The following DPP10 variants were observed in gnomAD, a reference collection of about 807,000 sequenced individuals.
DPP10 encodes the protein dipeptidyl peptidase like 10.
A neutral mutation model predicts 120.9 loss-of-function variants in DPP10; 33 were observed. The observed-to-expected ratio is 0.27, with a 90% CI of 0.21 to 0.37. The LOEUF (loss-of-function observed/expected upper bound fraction) is 0.37, where lower values mean the gene tolerates loss of function less well. Among genes scored for constraint, DPP10 ranks in the 10% least tolerant of loss-of-function variants. DPP10 has a pLI of 1.00. For synonymous variants in DPP10, 337 were observed against 326.1 expected (o/e 1.03, Z -0.36); for missense variants, 816 against 942.8 (o/e 0.87, Z 1.76).
At chr2:115,210,305 A>G (rs1008021048) in intron 1 of DPP10, among the ~76,000 whole-genome samples, 7 of 152,098 alleles carry the variant, frequency 4.6e-5, no homozygotes, top group Non-Finnish European at 1.0e-4. Context: ...TTTGCTGAGA[A>G]TGATGGTTTC....
At chr2:114,885,375 C>G (rs187550796) in intron 1 of DPP10, among the ~76,000 whole-genome samples, 1 of 152,100 alleles carries the variant, frequency 6.6e-6, no homozygotes, top group Non-Finnish European at 1.5e-5. Flanking sequence ...GAAACACACT[C>G]CCATGATCAA....
rs936563006 is a variant in DPP10, at chr2:115,135,761, G to T, written c.61-173478G>T. The stretch of plus-strand genomic sequence containing the variant: ...AATTTCTTGTGAGTCGCTGAGGCTG[G>T]CTGTTCAATCTTACATGTTTTACAC... On this transcript the variant is annotated intron_variant, in intron 1 of 25. Coordinates refer to ENST00000410059, the MANE Select transcript of DPP10 (RefSeq NM_020868.6). Among the ~76,000 whole-genome samples the T allele has an allele frequency of 3.9e-5, 6 of 152,276 alleles. No homozygotes were observed. In the South Asian group the frequency reaches 1.2e-3, roughly 32 times the overall value.
chr2:114,945,847 G>A (rs1336355424), intron 1 of DPP10, among the ~76,000 whole-genome samples: 2 of 151,950 alleles, frequency 1.3e-5, no homozygotes, highest in Non-Finnish European at 2.9e-5. Flanking sequence ...AACACCATTT[G>A]TAGCCTCACA....
intron 1 of DPP10, among the ~76,000 whole-genome samples, chr2:114,506,731 A>G (rs773978062): frequency 2.0e-5 from 3 of 152,134 alleles, no homozygotes; most frequent in Non-Finnish European, 4.4e-5. Flanking sequence ...CAACTGGGCC[A>G]AGCAAGTGGA....
intron 3 of DPP10, among the ~76,000 whole-genome samples, chr2:115,371,831 T>TA (rs1351088940): frequency 4.6e-5 from 7 of 152,076 alleles, no homozygotes; most frequent in Non-Finnish European, 1.5e-5. Flanking sequence ...AAAGAATATC[T>TA]AAAAAAACAG....
At chr2:114,539,171 T>C (rs1258185881) in intron 1 of DPP10, among the ~76,000 whole-genome samples, 1 of 148,626 alleles carries the variant, frequency 6.7e-6, no homozygotes, top group Non-Finnish European at 1.5e-5. Flanking sequence ...CATGTTTTAT[T>C]TATAACTGTA....
chr2:115,749,422 C>G (rs1463399863), intron 10 of DPP10, among the ~76,000 whole-genome samples: 2 of 152,124 alleles, frequency 1.3e-5, no homozygotes, highest in African/African-American at 2.4e-5. Flanking sequence ...AGTCACTTAT[C>G]TTTTGTGACC....
chr2:115,738,483 C>G (rs1010713160), intron 8 of DPP10, among the ~76,000 whole-genome samples: 1 of 151,984 alleles, frequency 6.6e-6, no homozygotes. Flanking sequence ...GGAGCCTTTG[C>G]CACTCTCCAT....
At chr2:115,065,950 G>T (rs957506493) in intron 1 of DPP10, among the ~76,000 whole-genome samples, 1 of 152,156 alleles carries the variant, frequency 6.6e-6, no homozygotes, top group Non-Finnish European at 1.5e-5. Flanking sequence ...CTCAGCATTT[G>T]CAGAGCTATT....
At chr2:115,519,876 G>T (rs530559967) in intron 4 of DPP10, among the ~76,000 whole-genome samples, 1 of 152,258 alleles carries the variant, frequency 6.6e-6, no homozygotes, top group African/African-American at 2.4e-5. Context: ...CACTATGAAA[G>T]AAGCATTTTC....
chr2:114,924,442 G>T (rs1423117488), intron 1 of DPP10, among the ~76,000 whole-genome samples: 3 of 151,676 alleles, frequency 2.0e-5, no homozygotes, highest in Non-Finnish European at 4.4e-5. Context: ...CATGAGAATC[G>T]CTTGAACCTG....
intron 1 of DPP10, among the ~76,000 whole-genome samples, chr2:115,220,192 A>G (rs181932733): frequency 2.6e-5 from 4 of 152,272 alleles, no homozygotes; most frequent in East Asian, 3.9e-4. Flanking sequence ...TATCTACACC[A>G]AAGTCTATGC....
intron 1 of DPP10, among the ~76,000 whole-genome samples, chr2:114,828,276 T>C (rs1445374392): frequency 1.3e-5 from 2 of 152,206 alleles, no homozygotes; most frequent in African/African-American, 2.4e-5. Context: ...AGGCAAAGTA[T>C]ATGAAAAACT....
At chr2:115,013,570 G>T (rs544694078) in intron 1 of DPP10, among the ~76,000 whole-genome samples, 60 of 150,794 alleles carry the variant, frequency 4.0e-4, no homozygotes, top group Non-Finnish European at 4.4e-4. Context: ...ACATCGGTGG[G>T]CTGTATTTAG....
At chr2:115,075,014 G>A (rs549966502) in intron 1 of DPP10, among the ~76,000 whole-genome samples, 3 of 152,298 alleles carry the variant, frequency 2.0e-5, no homozygotes, top group South Asian at 2.1e-4. Context: ...CAGCAGGAGC[G>A]ATGCCTTGGT....
intron 3 of DPP10, among the ~76,000 whole-genome samples, chr2:115,455,380 G>C (rs1405543177): frequency 6.6e-6 from 1 of 151,904 alleles, no homozygotes; most frequent in African/African-American, 2.4e-5. Flanking sequence ...ATAAGAAAAT[G>C]GCCATACTGC....
intron 17 of DPP10, among the ~76,000 whole-genome samples, chr2:115,783,434 C>T (rs1282699792): frequency 1.3e-5 from 2 of 152,030 alleles, no homozygotes; most frequent in African/African-American, 4.8e-5. Flanking sequence ...AGTTAGGTGG[C>T]TTGACTTAGA....
chr2:115,172,458 C>T (rs2053421493), intron 1 of DPP10, among the ~76,000 whole-genome samples: 1 of 151,490 alleles, frequency 6.6e-6, no homozygotes, highest in Non-Finnish European at 1.5e-5. Context: ...CACCAAGTTC[C>T]AATACAGACC....
At chr2:115,470,149 T>G (rs1053852116) in intron 3 of DPP10, among the ~76,000 whole-genome samples, 1 of 152,184 alleles carries the variant, frequency 6.6e-6, no homozygotes, top group Non-Finnish European at 1.5e-5. Context: ...TGCCCTCTTC[T>G]AAAGCAAGAA....
Sources: gnomAD v4.1 joint callset for allele counts (sites outside exome capture counted in the v4.1 genomes callset) on GRCh38, gnomAD v4.1.1 for gene constraint, MANE v1.5 for transcripts, NCBI Gene and HGNC (gene_info 2026-07-23, HGNC 2026-07-21) for gene names.